Variants in SFMBT1 observed in about 807,000 individuals in gnomAD.
The protein encoded by SFMBT1 is scm-like with four MBT domains protein 1.
SFMBT1 carries 32 observed loss-of-function variants against 108.7 expected under a neutral mutation model. The ratio of observed to expected loss-of-function variants is 0.29; its 90% CI spans 0.22 to 0.40. SFMBT1 has a LOEUF of 0.40. Ranked by LOEUF, SFMBT1 falls within the 10% of genes least tolerant of loss-of-function variation. The pLI is 1.00. For missense variants in SFMBT1, 816 were observed against 1,059.6 expected (o/e 0.77, Z 3.19); for synonymous variants, 348 against 369.5 (o/e 0.94, Z 0.67).
intron 4 of SFMBT1, among the ~76,000 whole-genome samples, chr3:52,941,593 C>CAAAAAAAA (rs145581859): frequency 2.3e-4 from 15 of 64,052 alleles, no homozygotes; most frequent in African/African-American, 2.9e-4. Context: ...GACTCTGTTT[C>CAAAAAAAA]AAAAAAAAAA....
rs190723604 is a variant in SFMBT1 at position 52,994,374 on chromosome 3, A to G, written c.-130-25116T>C. ...AACAGAGACACATCAATCACAAGAG[A>G]CAACCTGAAACATCATGTGCCTCTT... On this transcript the variant is annotated intron_variant, in intron 1 of 20. Transcript: ENST00000394752. 2.9e-4 allele frequency among the ~76,000 whole-genome samples: 43 copies of G among 150,500 alleles called. 2 individuals carry two copies. Among genetic ancestry groups the G allele is most frequent in the African/African-American group, 1.0e-3 (42 of 41,422 alleles).
intron 1 of SFMBT1, among the ~76,000 whole-genome samples, chr3:52,999,899 C>T (rs1222673231): frequency 6.7e-6 from 1 of 150,140 alleles, no homozygotes; most frequent in Admixed American, 6.7e-5. Flanking sequence ...CGCTCTGTCG[C>T]CCAGGCTGGA....
chr3:53,032,489 C>T (rs1259609705), intron 1 of SFMBT1, among the ~76,000 whole-genome samples: 2 of 152,198 alleles, frequency 1.3e-5, no homozygotes, highest in African/African-American at 4.8e-5. Context: ...TTGTAGGCCA[C>T]ACAAGAAGTT....
intron 1 of SFMBT1, among the ~76,000 whole-genome samples, chr3:53,000,144 G>C (rs1698493684): frequency 6.7e-6 from 1 of 150,028 alleles, no homozygotes; most frequent in Non-Finnish European, 1.5e-5. Context: ...TTACAGGCGT[G>C]AGCCACCGCA....
At chr3:52,945,646 A>C (rs1703340873) in intron 3 of SFMBT1, among the ~76,000 whole-genome samples, 2 of 80,282 alleles carry the variant, frequency 2.5e-5, no homozygotes, top group South Asian at 8.8e-4. Flanking sequence ...TCTACTAAAA[A>C]CACAAAAAAA....
In SFMBT1 at chr3:52,907,307, C is replaced by T; in HGVS notation, c.2093G>A (p.Gly698Glu). Residue 698 changes from glycine (G) to glutamate (E), a missense_variant, in exon 19 of 21, where the codon GGG (glycine) becomes GAG (glutamate). This residue lies in a region of SFMBT1 where 177 missense variants were observed against 182.0 expected (regional missense o/e 0.97). Transcript: ENST00000394752. ...ATCTGGGTCATCCTCATCTTCACCC[C>T]CACTTCCCTGCAGGAAAAGGAGAGA... ...NTPAGSPQGS[G>E]GEDEDDPDEG... The T allele has an allele frequency of 6.2e-7, 1 of 1,612,096 alleles. No homozygotes were observed. The highest frequency in any genetic ancestry group is 2.2e-5 in the East Asian group (1 of 44,856).
chr3:53,019,387 G>A (rs1310684739), intron 1 of SFMBT1, among the ~76,000 whole-genome samples: 1 of 59,332 alleles, frequency 1.7e-5, no homozygotes, highest in African/African-American at 4.7e-5. Flanking sequence ...GTGTGTGTGT[G>A]GGGGGGGTAT....
At chr3:52,984,641 T>G (rs1029635114) in intron 1 of SFMBT1, among the ~76,000 whole-genome samples, 1 of 151,708 alleles carries the variant, frequency 6.6e-6, no homozygotes, top group Non-Finnish European at 1.5e-5. Context: ...ATAAATAATC[T>G]TTAAAAATTC....
chr3:53,042,564 G>C (rs966553499), intron 1 of SFMBT1, among the ~76,000 whole-genome samples: 31 of 152,230 alleles, frequency 2.0e-4, no homozygotes, highest in African/African-American at 7.0e-4. Context: ...GGCTGGCCTC[G>C]AACTCCTGGT....
intron 8 of SFMBT1, among the ~76,000 whole-genome samples, chr3:52,928,657 CATATATACATATAT>C (rs1559514183): frequency 1.2e-3 from 44 of 36,548 alleles, no homozygotes; most frequent in Non-Finnish European, 1.5e-3. Context: ...TATATATACA[CATATATACATATAT>C]ACACACACAC....
intron 2 of SFMBT1, among the ~76,000 whole-genome samples, chr3:52,957,172 C>T (rs528410004): frequency 6.6e-6 from 1 of 152,194 alleles, no homozygotes; most frequent in Non-Finnish European, 1.5e-5. Context: ...CATTCCTATA[C>T]GCCAACAACA....
chr3:52,974,747 T>C (rs1704458076), intron 1 of SFMBT1, among the ~76,000 whole-genome samples: 1 of 149,622 alleles, frequency 6.7e-6, no homozygotes, highest in African/African-American at 2.5e-5. Context: ...TCCCAGCACT[T>C]TGGGGGGCTG....
chr3:52,981,529 A>ATTTTT (rs34406724), intron 1 of SFMBT1, among the ~76,000 whole-genome samples: 1 of 133,052 alleles, frequency 7.5e-6, no homozygotes. Context: ...TGCTCAGCTA[A>ATTTTT]TTTTTTTTTT....
chr3:52,978,313 T>C (rs1264523215), intron 1 of SFMBT1, among the ~76,000 whole-genome samples: 1 of 151,988 alleles, frequency 6.6e-6, no homozygotes, highest in Non-Finnish European at 1.5e-5. Flanking sequence ...GTTCTAGGAA[T>C]AGCAGGGAGG....
intron 1 of SFMBT1, among the ~76,000 whole-genome samples, chr3:53,037,458 A>C (rs909523116): frequency 3.9e-5 from 6 of 152,200 alleles, no homozygotes; most frequent in Non-Finnish European, 7.3e-5. Context: ...CGATAAAGAA[A>C]ACTACGTATT....
intron 1 of SFMBT1, among the ~76,000 whole-genome samples, chr3:52,994,390 T>C (rs1333092003): frequency 2.0e-5 from 3 of 150,402 alleles, no homozygotes; most frequent in Non-Finnish European, 3.0e-5. Context: ...TGAAACATCA[T>C]GTGCCTCTTA....
At chr3:52,913,693 A>G in intron 14 of SFMBT1, 76 bp from the exon 15 acceptor site, 1 of 1,482,230 alleles carries the variant, frequency 6.7e-7, no homozygotes, top group East Asian at 2.3e-5. Context: ...CTGCCAGGGA[A>G]GAAAAACGAA....
intron 1 of SFMBT1, among the ~76,000 whole-genome samples, chr3:53,022,249 A>G (rs904973568): frequency 3.0e-4 from 45 of 152,290 alleles, no homozygotes; most frequent in African/African-American, 1.1e-3. Flanking sequence ...CAGGAGTTGG[A>G]GACCAAACTG....
At chr3:52,947,219 G>A (rs1204150048) in intron 3 of SFMBT1, among the ~76,000 whole-genome samples, 4 of 151,008 alleles carry the variant, frequency 2.6e-5, no homozygotes, top group African/African-American at 4.9e-5. Flanking sequence ...CCAGGTTCAC[G>A]CCATTCTCCT....
Sources: gnomAD v4.1 joint callset for allele counts (sites outside exome capture counted in the v4.1 genomes callset) on GRCh38, gnomAD v4.1.1 for gene constraint, gnomAD v4.1.1 regional missense constraint, MANE v1.5 for transcripts, NCBI Gene and HGNC (gene_info 2026-07-23, HGNC 2026-07-21) for gene names.